RALGDS: variants seen among roughly 807,000 people sequenced by gnomAD.
RALGDS encodes the protein ral guanine nucleotide exchange factor.
A neutral mutation model predicts 99.8 loss-of-function variants in RALGDS; 44 were observed. The ratio of observed to expected loss-of-function variants is 0.44; its 90% CI spans 0.35 to 0.57. The LOEUF (loss-of-function observed/expected upper bound fraction) is 0.57, where lower values mean the gene tolerates loss of function less well. Ranked by LOEUF, RALGDS falls within the 20% of genes least tolerant of loss-of-function variation. RALGDS has a pLI of 0.01. For missense variants in RALGDS, 1,022 were observed against 1,203.1 expected, an observed-to-expected ratio of 0.85 and a Z score of 2.23; for synonymous variants, 529 against 505.0, an observed-to-expected ratio of 1.05 and a Z score of -0.64.
rs1830814857 is a variant in RALGDS, at chr9:133,102,655, G to A, written c.1914-84C>T. 3 of 1,605,080 alleles carry A rather than the reference G, an allele frequency of 1.9e-6. No homozygotes were observed. The South Asian group carries it at 3.3e-5, about 18-fold the overall frequency. The stretch of plus-strand genomic sequence containing the variant: ...CACCTGCCCAGAAGCTGGAGTCGGG[G>A]TGCCCCGGCCATCCTCAGGCAACAG... On this transcript the variant is annotated intron_variant, in intron 13 of 17. Transcript: ENST00000372050.
chr9:133,142,453 G>C (rs1411407505), intron 1 of RALGDS, among the ~76,000 whole-genome samples: 1 of 152,112 alleles, frequency 6.6e-6, no homozygotes, highest in African/African-American at 2.4e-5. Flanking sequence ...TATTTTGGGG[G>C]CCAGCAGTTG....
intron 1 of RALGDS, among the ~76,000 whole-genome samples, chr9:133,130,747 G>A (rs148529534): frequency 2.7e-3 from 405 of 152,234 alleles, no homozygotes; most frequent in African/African-American, 9.2e-3. Flanking sequence ...CAACACACCC[G>A]TCTGACAAGT....
chr9:133,100,337 C>G lies in RALGDS; in HGVS notation c.2500G>C (p.Asp834His). 1 of 1,614,222 alleles carries G rather than the reference C, an allele frequency of 6.2e-7. No individual in the cohort carries two copies. The highest frequency in any genetic ancestry group is 8.5e-7 in the Non-Finnish European group (1 of 1,180,032). The change falls in exon 17 of 18, where the codon GAC becomes CAC. Residue 834 changes from aspartate to histidine, a missense_variant. Asp to His is a moderately conservative substitution (Grantham distance 81). This residue lies in a region of RALGDS where 825 missense variants were observed against 994.5 expected (regional missense o/e 0.83). Transcript: ENST00000372050. ...TCCTCCTCCTCCAGGTTGTGTTTGTCCATGGCCTTGCGGATTACAGCCGGA... is the reference window on the plus strand; with the variant it reads ...TCCTCCTCCTCCAGGTTGTGTTTGTGCATGGCCTTGCGGATTACAGCCGGA... ...KAPAVIRKAM[D>H]KHNLEEEEPE...
At position 133,129,108 on chromosome 9, in the gene RALGDS, G is replaced by A. The variant is rs749627533; in HGVS notation, c.132+1844C>T. On this transcript the variant is annotated intron_variant, in intron 1 of 17. Coordinates refer to the RALGDS transcript ENST00000372062. ...GCGGTGACCCACCCAGCCCCTCCCCGGCAGAGGCACTGGTTGCCCTGGAAA... is the reference window on the plus strand; with the variant it reads ...GCGGTGACCCACCCAGCCCCTCCCCAGCAGAGGCACTGGTTGCCCTGGAAA... The A allele has an allele frequency of 2.9e-5, 23 of 781,248 alleles. No individual in the cohort carries two copies. The East Asian group carries it at 3.4e-4, about 11-fold the overall frequency. 48.4% of individuals were successfully genotyped at this position (781,248 alleles called of 1,614,324 possible).
rs116476093 is a variant in RALGDS, at chr9:133,136,266, G to A, written c.18+12697C>T. Among the ~76,000 whole-genome samples the A allele has an allele frequency of 5.6e-3, 848 of 152,376 alleles. 10 individuals are homozygous for A. Among genetic ancestry groups the A allele is most frequent in the African/African-American group, 0.019 (792 of 41,594 alleles). ...AAGGCTGATGGGGCCCATGGGGCAG[G>A]AGCAGGTGCTACAACTGCAGACAGG... On this transcript the variant is annotated intron_variant, in intron 1 of 17. Coordinates refer to the RALGDS transcript ENST00000393160.
chr9:133,104,305 C>T lies in RALGDS; in HGVS notation c.1629G>A (p.Leu543=). 1 of 1,613,974 alleles carries T rather than the reference C, an allele frequency of 6.2e-7. No individual in the cohort carries two copies. Among genetic ancestry groups the T allele is most frequent in the East Asian group, 2.2e-5 (1 of 44,890 alleles). The change falls in exon 10 of 18, where the codon CTG becomes CTA. Residue 543 remains leucine, a synonymous_variant. Coordinates refer to ENST00000372050, the MANE Select transcript of RALGDS (RefSeq NM_006266.4). ...TCTGGGCTCTCTTGGGGTTCATCTC[C>T]AGGGTGGCAAACTTGGAGGTGCCCT... ...IKEGTSKFAT[L]EMNPKRAQKR... is the part of the protein sequence containing the mutation.
chr9:133,127,584 G>A (rs971986655), intron 1 of RALGDS, among the ~76,000 whole-genome samples: 3 of 152,238 alleles, frequency 2.0e-5, no homozygotes, highest in African/African-American at 7.2e-5. Context: ...GCCCTCTGTG[G>A]GCGGGTGAGC....
rs1325955806 is a variant in RALGDS, at chr9:133,121,171, G to C, written c.-17C>G. 12 of 1,120,896 alleles carry C rather than the reference G, an allele frequency of 1.1e-5. No individual in the cohort carries two copies. The East Asian group carries it at 3.7e-4, about 34-fold the overall frequency. The allele number at this position is 1,120,896 out of a possible 1,614,324, so 69.4% of individuals were successfully genotyped here. On this transcript the variant is annotated 5_prime_UTR_variant, in exon 1 of 18. Transcript: ENST00000372050. ...CTGCACCATGGAAGGCTCGCAGCGC[G>C]GGCGCGGGGCCGGCCCGGCGCGCGG... is the stretch of plus-strand genomic sequence containing the variant.
intron 17 of RALGDS, 84 bp from the exon 18 acceptor site, chr9:133,098,846 G>A: frequency 7.1e-7 from 1 of 1,415,230 alleles, no homozygotes; most frequent in Non-Finnish European, 9.9e-7. Context: ...CCCATACAAG[G>A]ACTGTCTTGA....
At chr9:133,109,987 C>T (rs978267818) in intron 3 of RALGDS, among the ~76,000 whole-genome samples, 1 of 152,130 alleles carries the variant, frequency 6.6e-6, no homozygotes, top group African/African-American at 2.4e-5. Context: ...ACTGCTTCGC[C>T]CAAGGCCACA....
intron 1 of RALGDS, among the ~76,000 whole-genome samples, chr9:133,138,601 C>T (rs1832464035): frequency 6.6e-6 from 1 of 152,220 alleles, no homozygotes; most frequent in African/African-American, 2.4e-5. Flanking sequence ...AAAACTGACA[C>T]TCAGCCCTCC....
chr9:133,124,860 A>T (rs955279300), upstream of RALGDS, among the ~76,000 whole-genome samples: 3 of 152,212 alleles, frequency 2.0e-5, no homozygotes, highest in African/African-American at 7.2e-5. Context: ...AGCACCACTC[A>T]CAGTGTTCTC....
In RALGDS at chr9:133,108,792, C is replaced by A; in HGVS notation, c.659G>T (p.Cys220Phe). Residue 220 changes from cysteine (C) to phenylalanine (F), a missense_variant, in exon 5 of 18, where the codon TGC (cysteine) becomes TTC (phenylalanine). Cys to Phe is a radical substitution (Grantham distance 205). This residue lies in a region of RALGDS where 825 missense variants were observed against 994.5 expected (regional missense o/e 0.83). Transcript: ENST00000372050. ...EDFCQPPDFP[C>F]LKQLVAYVQL... is the part of the protein sequence containing the mutation. ...CACGTAGGCCACCAGCTGCTTGAGGCAGGGAAAGTCCGGAGGTTGACAGAA... is the reference window on the plus strand; with the variant it reads ...CACGTAGGCCACCAGCTGCTTGAGGAAGGGAAAGTCCGGAGGTTGACAGAA... 1 of 1,613,536 alleles carries A rather than the reference C, an allele frequency of 6.2e-7. No homozygotes were observed. The highest frequency in any genetic ancestry group is 8.5e-7 in the Non-Finnish European group (1 of 1,180,008).
upstream of RALGDS, among the ~76,000 whole-genome samples, chr9:133,132,883 C>T (rs1464911083): frequency 9.9e-5 from 15 of 152,192 alleles, no homozygotes; most frequent in South Asian, 1.5e-3. Context: ...GAGATCCGCC[C>T]GCCTTGGCCT....
chr9:133,114,236 C>G (rs1831485297), intron 1 of RALGDS, among the ~76,000 whole-genome samples: 5 of 152,216 alleles, frequency 3.3e-5, no homozygotes. Context: ...CACCCTGTCA[C>G]ACAGTCGGGG....
At chr9:133,104,241 C>T (rs1278825325) in intron 10 of RALGDS, 22 bp downstream of exon 10, 5 of 1,605,284 alleles carry the variant, frequency 3.1e-6, no homozygotes, top group Non-Finnish European at 4.3e-6. Flanking sequence ...CCCTGCCCCT[C>T]CGCGGCCTTG....
At position 133,103,730 on chromosome 9, in the gene RALGDS, C is replaced by G. The variant is rs1436140136; in HGVS notation, c.1758+17G>C. ...TCTCCTCCCGGGCCCTACTCCAGCCCCGCCCGGCACACTCACATACAGATA... is the reference window on the plus strand; with the variant it reads ...TCTCCTCCCGGGCCCTACTCCAGCCGCGCCCGGCACACTCACATACAGATA... On this transcript the variant is annotated intron_variant, in intron 11 of 17. Coordinates refer to ENST00000372050, the MANE Select transcript of RALGDS (RefSeq NM_006266.4). 1.2e-6 allele frequency: 2 copies of G among 1,612,678 alleles called. No homozygotes were observed. Among genetic ancestry groups the G allele is most frequent in the Non-Finnish European group, 8.5e-7 (1 of 1,179,580 alleles).
At chr9:133,148,029 C>A (rs1832654114) in intron 1 of RALGDS, among the ~76,000 whole-genome samples, 1 of 152,304 alleles carries the variant, frequency 6.6e-6, no homozygotes, top group Admixed American at 6.5e-5. Context: ...ACGCTCTGCA[C>A]CACCCCAGGC....
At chr9:133,120,809 G>A (rs370710397) in intron 1 of RALGDS, among the ~76,000 whole-genome samples, 163 bp downstream of exon 1, 1 of 151,922 alleles carries the variant, frequency 6.6e-6, no homozygotes, top group East Asian at 2.0e-4. Context: ...CCTGCTGGCT[G>A]ATTTCTGCAG....
Sources: allele counts gnomAD v4.1 joint callset (sites outside exome capture counted in the v4.1 genomes callset), GRCh38; gene constraint gnomAD v4.1.1; regional missense constraint gnomAD v4.1.1; transcripts MANE v1.5; gene names NCBI Gene and HGNC (gene_info 2026-07-23, HGNC 2026-07-21).